ADD3: variants seen among roughly 807,000 people sequenced by gnomAD.
ADD3 encodes the protein gamma-adducin.
In ADD3, 25 loss-of-function variants were observed where a neutral mutation model predicts 80.2. The ratio of observed to expected loss-of-function variants is 0.31; its 90% CI spans 0.23 to 0.44. ADD3 has a LOEUF of 0.44. ADD3 is among the 20% of genes least tolerant of loss of function. The pLI, the probability that ADD3 is intolerant of heterozygous loss-of-function variation, is 1.00. For synonymous variants in ADD3, 284 were observed against 289.6 expected (o/e 0.98, Z 0.20); for missense variants, 829 against 847.5 (o/e 0.98, Z 0.27).
At chr10:109,996,799 A>C (rs1851389092) in intron 1 of ADD3, among the ~76,000 whole-genome samples, 1 of 152,200 alleles carries the variant, frequency 6.6e-6, no homozygotes, top group Admixed American at 6.5e-5. Flanking sequence ...ATCATGCGTT[A>C]AACTTTCCTT....
Position 110,116,281 on chromosome 10 carries a change from C to A in ADD3, c.357C>A (p.Ile119=), listed in dbSNP as rs751835114. 5 of 1,614,106 alleles carry A rather than the reference C, an allele frequency of 3.1e-6. No homozygotes were observed. Among genetic ancestry groups the A allele is most frequent in the Non-Finnish European group, 4.2e-6 (5 of 1,179,996 alleles). ...TAGGTCTTGGCATGGTCACACCTAT[C>A]AATGACCTTCCTGGTGCAGATACAT... ...PPLSLGMVTP[I]NDLPGADTSS... The change falls in exon 4 of 15, where the codon ATC becomes ATA. Residue 119 remains isoleucine (I), a synonymous_variant. Coordinates refer to ENST00000356080, the MANE Select transcript of ADD3 (RefSeq NM_016824.5).
intron 1 of ADD3, among the ~76,000 whole-genome samples, chr10:110,080,912 CAA>C (rs1845984735): frequency 6.6e-6 from 1 of 152,174 alleles, no homozygotes; most frequent in Non-Finnish European, 1.5e-5. Context: ...TATAAAGTAA[CAA>C]AAGCAGTATT....
At chr10:110,032,151 G>C (rs1855118146) in intron 1 of ADD3, among the ~76,000 whole-genome samples, 1 of 152,158 alleles carries the variant, frequency 6.6e-6, no homozygotes, top group Non-Finnish European at 1.5e-5. Context: ...GATTTTTATA[G>C]ACAAAGAGGG....
At chr10:110,081,370 A>G (rs1846038650) in intron 1 of ADD3, among the ~76,000 whole-genome samples, 3 of 152,208 alleles carry the variant, frequency 2.0e-5, no homozygotes, top group African/African-American at 7.2e-5. Context: ...AGAATCCTCT[A>G]AAATGACAAC....
chr10:110,083,929 A>C lies in ADD3; in HGVS notation c.-29-16696A>C, dbSNP rs1271253491. ...GATCAAAAGTAGACACAAAATATTT[A>C]CCAAACTCTGGAGAGCTACTTAAGT... On this transcript the variant is annotated intron_variant, in intron 1 of 14. Coordinates refer to ENST00000356080, the MANE Select transcript of ADD3 (RefSeq NM_016824.5). Among the ~76,000 whole-genome samples, 8 of 152,332 alleles carry C rather than the reference A, an allele frequency of 5.3e-5. No homozygotes were observed. In the East Asian group the frequency reaches 1.5e-3, roughly 29 times the overall value.
At chr10:110,092,709 C>G (rs968905740) in intron 1 of ADD3, among the ~76,000 whole-genome samples, 2 of 152,080 alleles carry the variant, frequency 1.3e-5, no homozygotes, top group Admixed American at 6.6e-5. Context: ...ACATGTACCC[C>G]CTGAACCTAA....
chr10:110,065,510 C>G (rs1375374276), intron 1 of ADD3, among the ~76,000 whole-genome samples: 1 of 128,830 alleles, frequency 7.8e-6, no homozygotes, highest in Non-Finnish European at 1.7e-5. Flanking sequence ...CTCTCTCTCT[C>G]TCATTTTTTC....
chr10:110,101,195 G>A (rs746296297), intron 2 of ADD3, among the ~76,000 whole-genome samples: 2 of 152,162 alleles, frequency 1.3e-5, no homozygotes, highest in African/African-American at 2.4e-5. Flanking sequence ...TCCCATGCAC[G>A]TATTTTCTTC....
chr10:110,043,528 A>G (rs890526255), intron 1 of ADD3, among the ~76,000 whole-genome samples: 9 of 152,248 alleles, frequency 5.9e-5, no homozygotes, highest in Non-Finnish European at 1.0e-4. Flanking sequence ...ATGATATAGT[A>G]AAATGAACAT....
At chr10:110,063,600 A>G (rs1468106633) in intron 1 of ADD3, among the ~76,000 whole-genome samples, 3 of 151,446 alleles carry the variant, frequency 2.0e-5, no homozygotes, top group Admixed American at 6.6e-5. Context: ...TTCTTGCTAT[A>G]GAAAGAGGGG....
intron 2 of ADD3, among the ~76,000 whole-genome samples, chr10:110,109,594 T>G (rs1040981443): frequency 3.9e-5 from 6 of 152,158 alleles, no homozygotes; most frequent in Non-Finnish European, 7.4e-5. Context: ...TAATTTTGGT[T>G]TTTTAAAAAC....
intron 1 of ADD3, among the ~76,000 whole-genome samples, chr10:110,032,493 C>G (rs1855162630): frequency 6.6e-6 from 1 of 152,122 alleles, no homozygotes. Flanking sequence ...AAGTGGGCAG[C>G]AGGGATACTT....
chr10:110,119,722 T>G, intron 8 of ADD3, 158 bp downstream of exon 8: 2 of 604,126 alleles, frequency 3.3e-6, no homozygotes, highest in Non-Finnish European at 2.9e-6. Flanking sequence ...CTCAGTTATC[T>G]CTTGAATTGA....
chr10:110,119,263 T>G lies in ADD3; in HGVS notation c.770T>G (p.Leu257Arg). ...ILPISQESLL[L>R]GDVAYYDYQG... The stretch of plus-strand genomic sequence containing the variant: ...CCAATTTCTCAAGAGTCTCTTCTTC[T>G]GGGAGATGTTGCCTATTATGACTAC... Residue 257 changes from leucine (L) to arginine (R), a missense_variant, in exon 7 of 15, where the codon CTG becomes CGG. Leu to Arg is a moderately radical substitution (Grantham distance 102, BLOSUM62 -2). Coordinates refer to ENST00000356080, the MANE Select transcript of ADD3 (RefSeq NM_016824.5). The G allele has an allele frequency of 6.2e-7, 1 of 1,614,168 alleles. No homozygotes were observed. The highest frequency in any genetic ancestry group is 8.5e-7 in the Non-Finnish European group (1 of 1,180,008).
intron 1 of ADD3, among the ~76,000 whole-genome samples, chr10:110,010,984 A>T (rs80023653): frequency 1.6e-3 from 248 of 152,312 alleles, no homozygotes; most frequent in Admixed American, 3.5e-3. Flanking sequence ...TCACCTTTTG[A>T]CATTGAAAGG....
At chr10:110,097,046 G>T (rs1443335446) in intron 1 of ADD3, among the ~76,000 whole-genome samples, 1 of 152,160 alleles carries the variant, frequency 6.6e-6, no homozygotes, top group South Asian at 2.1e-4. Flanking sequence ...AACACTTTGG[G>T]TTAATTTGAT....
In ADD3 at chr10:110,117,372, A is replaced by C. The variant is rs755523593; in HGVS notation, c.517A>C (p.Ile173Leu). 3 of 1,606,434 alleles carry C rather than the reference A, an allele frequency of 1.9e-6. No homozygotes were observed. The highest frequency in any genetic ancestry group is 2.6e-6 in the Non-Finnish European group (3 of 1,173,298). The change falls in exon 5 of 15, where the codon ATA (isoleucine) becomes CTA (leucine). Residue 173 changes from isoleucine to leucine, a missense_variant. Transcript: ENST00000356080. Reference sequence around the variant, plus strand: ...AATAAGTAAGGAGCAAGACCACATTATAATAATTCCCAGAGGCCTATCTTT... The same window carrying C: ...AATAAGTAAGGAGCAAGACCACATTCTAATAATTCCCAGAGGCCTATCTTT... ...VRISKEQDHI[I>L]IIPRGLSFSE...
At chr10:110,042,691 T>TG (rs935662799) in intron 1 of ADD3, among the ~76,000 whole-genome samples, 2 of 150,878 alleles carry the variant, frequency 1.3e-5, no homozygotes, top group East Asian at 1.9e-4. Context: ...GGTGCTGTTT[T>TG]TTTTTTTTTT....
intron 1 of ADD3, among the ~76,000 whole-genome samples, chr10:110,042,487 ATAATCT>A (rs1427231027): frequency 6.6e-6 from 1 of 152,160 alleles, no homozygotes; most frequent in Non-Finnish European, 1.5e-5. Flanking sequence ...GAGCTGAGAA[ATAATCT>A]TAAATCTTTT....
Sources: gnomAD v4.1 joint callset for allele counts (sites outside exome capture counted in the v4.1 genomes callset) on GRCh38, gnomAD v4.1.1 for gene constraint, MANE v1.5 for transcripts, NCBI Gene and HGNC (gene_info 2026-07-23, HGNC 2026-07-21) for gene names.